The following ZFPM2 variants were observed in gnomAD, a reference collection of about 807,000 sequenced individuals.
ZFPM2 encodes the protein zinc finger protein, FOG family member 2, also known as zinc finger protein ZFPM2.
In ZFPM2, 20 loss-of-function variants were observed where a neutral mutation model predicts 98.6. The ratio of observed to expected loss-of-function variants is 0.20; its 90% CI spans 0.14 to 0.29. The LOEUF (loss-of-function observed/expected upper bound fraction) is 0.29. Ranked by LOEUF, ZFPM2 falls within the 10% of genes least tolerant of loss-of-function variation. ZFPM2 has a pLI of 1.00. For missense variants in ZFPM2, 1,310 were observed against 1,388.6 expected (o/e 0.94, Z 0.90); for synonymous variants, 518 against 502.7 (o/e 1.03, Z -0.41).
At chr8:105,558,987 A>T (rs2130692411) in intron 3 of ZFPM2, among the ~76,000 whole-genome samples, 1 of 152,286 alleles carries the variant, frequency 6.6e-6, no homozygotes, top group South Asian at 2.1e-4. Context: ...TAAGAAAATT[A>T]TCCTAAATAT....
chr8:105,740,000 G>T (rs373889296), intron 5 of ZFPM2, among the ~76,000 whole-genome samples: 2 of 151,872 alleles, frequency 1.3e-5, no homozygotes, highest in Admixed American at 1.3e-4. Flanking sequence ...ACTTAAAAAT[G>T]CTCCTTAATA....
chr8:105,605,395 CTT>C (rs1463419020), intron 4 of ZFPM2, among the ~76,000 whole-genome samples: 14 of 151,976 alleles, frequency 9.2e-5, no homozygotes, highest in African/African-American at 1.9e-4. Flanking sequence ...ATTAATATGA[CTT>C]ATATCTGAAT....
Position 105,792,120 on chromosome 8 carries a change from G to A in ZFPM2, c.739+3196G>A, listed in dbSNP as rs926615202. 1.1e-4 allele frequency among the ~76,000 whole-genome samples: 17 copies of A among 151,922 alleles called. 1 individual carries two copies. Among genetic ancestry groups the A allele is most frequent in the Admixed American group, 8.5e-4 (13 of 15,248 alleles). On this transcript the variant is annotated intron_variant, in intron 6 of 7. Transcript: ENST00000407775. ...TCTGCTCTGATTTTAGTTATTTCTT[G>A]CCTTCTGCTAGTTTTTGAGTGTGTT... is the stretch of plus-strand genomic sequence containing the variant.
At chr8:105,348,396 G>T (rs369769736) in intron 1 of ZFPM2, among the ~76,000 whole-genome samples, 1 of 152,168 alleles carries the variant, frequency 6.6e-6, no homozygotes, top group South Asian at 2.1e-4. Context: ...GTCTCATCAT[G>T]TGACACACAT....
chr8:105,718,472 G>T (rs996839943), intron 5 of ZFPM2, among the ~76,000 whole-genome samples: 2 of 151,886 alleles, frequency 1.3e-5, no homozygotes, highest in Admixed American at 1.3e-4. Context: ...GTAACCATCT[G>T]CACATTATTG....
chr8:105,464,428 G>A (rs1047000612), intron 3 of ZFPM2, among the ~76,000 whole-genome samples: 8 of 151,922 alleles, frequency 5.3e-5, no homozygotes, highest in Middle Eastern at 6.3e-3. Context: ...ATTCAATAGG[G>A]AGCTCTTAAA....
chr8:105,512,169 A>G (rs1248518103), intron 3 of ZFPM2, among the ~76,000 whole-genome samples: 4 of 152,178 alleles, frequency 2.6e-5, no homozygotes, highest in Non-Finnish European at 4.4e-5. Context: ...CAACAAATGT[A>G]TATTCTTGAA....
intron 3 of ZFPM2, among the ~76,000 whole-genome samples, chr8:105,556,935 C>T (rs1815008344): frequency 1.3e-5 from 2 of 152,104 alleles, no homozygotes; most frequent in Admixed American, 1.3e-4. Flanking sequence ...GTTCACCAGG[C>T]TGGTCTCAAA....
chr8:105,538,981 T>G (rs984034125), intron 3 of ZFPM2, among the ~76,000 whole-genome samples: 1 of 152,164 alleles, frequency 6.6e-6, no homozygotes, highest in Non-Finnish European at 1.5e-5. Context: ...ATTGTGCCAC[T>G]GCACTCCAGC....
intron 5 of ZFPM2, among the ~76,000 whole-genome samples, chr8:105,748,247 A>C (rs1400413650): frequency 2.0e-5 from 3 of 152,048 alleles, no homozygotes; most frequent in African/African-American, 7.2e-5. Context: ...TTTGCCAAAA[A>C]TTATTTATCA....
At chr8:105,357,562 A>G (rs970884774) in intron 1 of ZFPM2, among the ~76,000 whole-genome samples, 3 of 152,218 alleles carry the variant, frequency 2.0e-5, no homozygotes, top group Admixed American at 6.5e-5. Flanking sequence ...ATTGGGAGAC[A>G]TTATTGAATA....
At chr8:105,633,298 T>G (rs2130837820) in intron 4 of ZFPM2, among the ~76,000 whole-genome samples, 1 of 152,308 alleles carries the variant, frequency 6.6e-6, no homozygotes, top group African/African-American at 2.4e-5. Flanking sequence ...CTTGAGACCC[T>G]TGTATTGTGC....
At chr8:105,484,718 C>T (rs1813194906) in intron 3 of ZFPM2, among the ~76,000 whole-genome samples, 1 of 152,002 alleles carries the variant, frequency 6.6e-6, no homozygotes, top group Admixed American at 6.6e-5. Flanking sequence ...AGGGCCTGTC[C>T]CTGTTTTATC....
intron 1 of ZFPM2, among the ~76,000 whole-genome samples, chr8:105,326,097 AAAG>A (rs971862361): frequency 3.3e-5 from 5 of 151,722 alleles, no homozygotes; most frequent in African/African-American, 4.8e-5. Flanking sequence ...CAAGTCCAAG[AAAG>A]AAGTTTATCT....
intron 3 of ZFPM2, among the ~76,000 whole-genome samples, chr8:105,484,889 A>G (rs948257800): frequency 2.6e-5 from 4 of 152,128 alleles, no homozygotes; most frequent in African/African-American, 9.7e-5. Flanking sequence ...AATATTACCA[A>G]CCTAGGGTGT....
intron 2 of ZFPM2, among the ~76,000 whole-genome samples, chr8:105,441,465 A>AGGAAGGAAGGAAGGAAGGAAG: frequency 1.2e-5 from 1 of 81,904 alleles, no homozygotes; most frequent in African/African-American, 6.2e-5. Context: ...AAAGAAAGAA[A>AGGAAGGAAGGAAGGAAGGAAG]GAAAGAAAGA....
chr8:105,332,147 G>T (rs1347040238), intron 1 of ZFPM2, among the ~76,000 whole-genome samples: 1 of 151,652 alleles, frequency 6.6e-6, no homozygotes, highest in Non-Finnish European at 1.5e-5. Flanking sequence ...ATTTCCGTAT[G>T]GCTGGCTTCT....
chr8:105,419,439 T>C (rs1370095824), intron 2 of ZFPM2, 137 bp downstream of exon 2: 8 of 1,055,404 alleles, frequency 7.6e-6, no homozygotes, highest in Middle Eastern at 6.1e-4. Flanking sequence ...TTTTTAAACA[T>C]AAAATTTTAT....
chr8:105,783,197 G>C (rs911540802), intron 5 of ZFPM2, among the ~76,000 whole-genome samples: 2 of 105,290 alleles, frequency 1.9e-5, no homozygotes, highest in Admixed American at 1.9e-4. Flanking sequence ...CTTATCCCTT[G>C]TGTTTCTTTA....
Sources: gnomAD v4.1 joint callset for allele counts (sites outside exome capture counted in the v4.1 genomes callset) on GRCh38, gnomAD v4.1.1 for gene constraint, MANE v1.5 for transcripts, NCBI Gene and HGNC (gene_info 2026-07-23, HGNC 2026-07-21) for gene names.